Variants in GABRB1 observed in about 807,000 individuals in gnomAD.
The protein encoded by GABRB1 is gamma-aminobutyric acid receptor subunit beta-1.
GABRB1 carries 17 observed loss-of-function variants against 51.6 expected under a neutral mutation model. That is an observed-to-expected ratio of 0.33 (90% CI 0.23 to 0.49). The LOEUF is 0.49. Ranked by LOEUF, GABRB1 falls within the 20% of genes least tolerant of loss-of-function variation. The pLI, the probability that GABRB1 is intolerant of heterozygous loss-of-function variation, is 0.99. For missense variants in GABRB1, 410 were observed against 600.6 expected (o/e 0.68, Z 3.32); for synonymous variants, 247 against 218.9 (o/e 1.13, Z -1.14).
At chr4:47,160,968 T>G (rs955275149) in intron 3 of GABRB1, among the ~76,000 whole-genome samples, 13 of 151,898 alleles carry the variant, frequency 8.6e-5, no homozygotes, top group African/African-American at 2.7e-4. Context: ...AAAAAAATTA[T>G]TTTTTGTAGA....
chr4:47,338,597 T>C (rs1346291567), intron 5 of GABRB1, among the ~76,000 whole-genome samples: 2 of 152,218 alleles, frequency 1.3e-5, no homozygotes, highest in Non-Finnish European at 2.9e-5. Context: ...TATTTCTCCC[T>C]ATTATTGGCA....
chr4:47,037,146 A>G (rs1560505616), intron 3 of GABRB1, among the ~76,000 whole-genome samples: 1 of 152,196 alleles, frequency 6.6e-6, no homozygotes, highest in Non-Finnish European at 1.5e-5. Flanking sequence ...ATTTCCAAGT[A>G]CAGTAACTCC....
chr4:47,354,180 A>T (rs1726466194), intron 5 of GABRB1, among the ~76,000 whole-genome samples: 1 of 152,190 alleles, frequency 6.6e-6, no homozygotes, highest in Non-Finnish European at 1.5e-5. Context: ...AGCCCTCAAC[A>T]TGACCTATTG....
intron 1 of GABRB1, among the ~76,000 whole-genome samples, chr4:47,006,776 G>A (rs1208801094): frequency 6.6e-6 from 1 of 152,158 alleles, no homozygotes; most frequent in African/African-American, 2.4e-5. Context: ...TTAAATAATT[G>A]CATTATATAT....
intron 5 of GABRB1, among the ~76,000 whole-genome samples, chr4:47,378,666 A>T (rs1323444987): frequency 1.3e-5 from 2 of 152,164 alleles, no homozygotes; most frequent in Admixed American, 1.3e-4. Flanking sequence ...TTGTATTTTC[A>T]GTAGAGACGG....
chr4:47,376,700 T>G (rs1727394410), intron 5 of GABRB1, among the ~76,000 whole-genome samples: 1 of 152,040 alleles, frequency 6.6e-6, no homozygotes, highest in African/African-American at 2.4e-5. Flanking sequence ...AAGAAGTTCT[T>G]GGGAGGAGTA....
At chr4:47,389,426 G>A (rs537599846) in intron 5 of GABRB1, among the ~76,000 whole-genome samples, 74 of 152,244 alleles carry the variant, frequency 4.9e-4, no homozygotes, top group Non-Finnish European at 8.8e-4. Flanking sequence ...AAAATGGACC[G>A]TTGAAAATGT....
At chr4:47,343,356 A>AC (rs1725974118) in intron 5 of GABRB1, among the ~76,000 whole-genome samples, 2 of 152,270 alleles carry the variant, frequency 1.3e-5, no homozygotes, top group South Asian at 4.2e-4. Context: ...AATGTTTGTG[A>AC]CTTCAAAATG....
At chr4:47,172,456 C>A (rs1718479010) in intron 4 of GABRB1, among the ~76,000 whole-genome samples, 1 of 152,000 alleles carries the variant, frequency 6.6e-6, no homozygotes, top group South Asian at 2.1e-4. Flanking sequence ...AGAAAATAGG[C>A]TTTGCCTAAA....
At chr4:47,150,692 C>T (rs894419307) in intron 3 of GABRB1, among the ~76,000 whole-genome samples, 1 of 151,580 alleles carries the variant, frequency 6.6e-6, no homozygotes, top group Non-Finnish European at 1.5e-5. Flanking sequence ...CAAAAATACA[C>T]AAAATTGCCT....
chr4:47,277,200 C>A (rs1203543726), intron 4 of GABRB1, among the ~76,000 whole-genome samples: 1 of 152,038 alleles, frequency 6.6e-6, no homozygotes, highest in East Asian at 1.9e-4. Flanking sequence ...TGAGATCCAA[C>A]CATTTGCAAC....
chr4:47,058,538 T>C (rs1235220128), intron 3 of GABRB1, among the ~76,000 whole-genome samples: 4 of 152,098 alleles, frequency 2.6e-5, no homozygotes, highest in Non-Finnish European at 5.9e-5. Flanking sequence ...CATCCGGGCT[T>C]TTGGGGATAT....
chr4:47,308,034 C>T (rs1724532408), intron 4 of GABRB1, among the ~76,000 whole-genome samples: 1 of 151,808 alleles, frequency 6.6e-6, no homozygotes, highest in African/African-American at 2.4e-5. Context: ...ATATAATAAT[C>T]TTATTTATTA....
chr4:47,172,915 A>C (rs1718504615), intron 4 of GABRB1, among the ~76,000 whole-genome samples: 2 of 151,956 alleles, frequency 1.3e-5, no homozygotes, highest in Non-Finnish European at 2.9e-5. Context: ...GTGCAGGTTT[A>C]TCTTTTCTAA....
chr4:47,070,414 C>A (rs1230163153), intron 3 of GABRB1, among the ~76,000 whole-genome samples: 1 of 152,036 alleles, frequency 6.6e-6, no homozygotes, highest in Non-Finnish European at 1.5e-5. Context: ...TGACTGCAAC[C>A]TCCACCTGCC....
intron 4 of GABRB1, among the ~76,000 whole-genome samples, chr4:47,220,765 T>C (rs1444310443): frequency 2.0e-5 from 3 of 151,952 alleles, no homozygotes; most frequent in Admixed American, 6.6e-5. Context: ...CACCCTCCTT[T>C]TGGGTTTCAG....
intron 3 of GABRB1, among the ~76,000 whole-genome samples, chr4:47,037,527 C>CGG (rs1335292760): frequency 2.1e-5 from 3 of 140,882 alleles, no homozygotes; most frequent in African/African-American, 7.9e-5. Context: ...TATATATATT[C>CGG]GTTTTTTTTT....
chr4:47,252,863 T>A (rs1284821228), intron 4 of GABRB1, among the ~76,000 whole-genome samples: 1 of 152,268 alleles, frequency 6.6e-6, no homozygotes, highest in Non-Finnish European at 1.5e-5. Context: ...TACCTAAATA[T>A]TCTATTAAGA....
At chr4:47,355,310 ACTT>A in intron 5 of GABRB1, among the ~76,000 whole-genome samples, 1 of 150,794 alleles carries the variant, frequency 6.6e-6, no homozygotes, top group Non-Finnish European at 1.5e-5. Flanking sequence ...CTCAAGGAAA[ACTT>A]CTTTTTTTTT....
Sources: allele counts gnomAD v4.1 joint callset (sites outside exome capture counted in the v4.1 genomes callset), GRCh38; gene constraint gnomAD v4.1.1; transcripts MANE v1.5; gene names NCBI Gene and HGNC (gene_info 2026-07-23, HGNC 2026-07-21).